Variants in PRR5L observed in about 807,000 individuals in gnomAD.
PRR5L encodes the protein proline-rich protein 5-like.
PRR5L carries 21 observed loss-of-function variants against 36.4 expected under a neutral mutation model. The ratio of observed to expected loss-of-function variants is 0.58; its 90% CI spans 0.41 to 0.83. The LOEUF (loss-of-function observed/expected upper bound fraction) is 0.83. Among genes scored for constraint, PRR5L ranks in the 40% least tolerant of loss-of-function variants. The pLI is 0.00. For synonymous variants in PRR5L, 188 were observed against 197.0 expected, an observed-to-expected ratio of 0.95 and a Z score of 0.38; for missense variants, 381 against 473.3, an observed-to-expected ratio of 0.80 and a Z score of 1.81.
rs138801308 is a variant in PRR5L, at chr11:36,356,057, A to G, written c.-125-44940A>G. On this transcript the variant is annotated intron_variant, in intron 1 of 8. Coordinates refer to ENST00000530639, the MANE Select transcript of PRR5L (RefSeq NM_001160167.2). ...CCTTCAAGTAGCTGGGACTACAGGC[A>G]CATGCCACCATGCTCAGCTAATTTT... Among the ~76,000 whole-genome samples the G allele has an allele frequency of 3.7e-3, 560 of 151,838 alleles. 3 individuals carry two copies. Among genetic ancestry groups the G allele is most frequent in the African/African-American group, 0.013 (531 of 41,392 alleles).
At chr11:36,303,799 A>C (rs1454826924) in intron 1 of PRR5L, among the ~76,000 whole-genome samples, 2 of 152,226 alleles carry the variant, frequency 1.3e-5, no homozygotes, top group Non-Finnish European at 2.9e-5. Context: ...TAGAACGAAC[A>C]ATACATGGTC....
chr11:36,296,976 G>A (rs1856318040), intron 1 of PRR5L, among the ~76,000 whole-genome samples: 1 of 152,156 alleles, frequency 6.6e-6, no homozygotes, highest in Non-Finnish European at 1.5e-5. Flanking sequence ...CACTTTGAGA[G>A]GCAATGATAT....
chr11:36,435,383 A>G (rs1858583010), intron 5 of PRR5L, among the ~76,000 whole-genome samples: 1 of 152,186 alleles, frequency 6.6e-6, no homozygotes, highest in African/African-American at 2.4e-5. Flanking sequence ...TCAAATCATC[A>G]CCAAGTATAA....
At chr11:36,310,270 C>G (rs903939381) in intron 1 of PRR5L, among the ~76,000 whole-genome samples, 1 of 152,130 alleles carries the variant, frequency 6.6e-6, no homozygotes, top group Non-Finnish European at 1.5e-5. Flanking sequence ...CAAGAACTCC[C>G]GTGTGTCCAG....
intron 1 of PRR5L, among the ~76,000 whole-genome samples, chr11:36,308,945 C>T (rs1232719367): frequency 6.6e-6 from 1 of 152,198 alleles, no homozygotes; most frequent in Non-Finnish European, 1.5e-5. Flanking sequence ...CCCTAGTCAA[C>T]CTGCAGATCT....
At position 36,374,104 on chromosome 11, in the gene PRR5L, T is replaced by TCCTTCCTTCCTTCCTG. The variant is rs1491493668; in HGVS notation, c.-125-26890_-125-26889insTCCTTCCTTCCTGCCT. On this transcript the variant is annotated intron_variant, in intron 1 of 8. Coordinates refer to ENST00000530639, the MANE Select transcript of PRR5L (RefSeq NM_001160167.2). ...TTCCTTCCTTCCTTCCTTCCTTCCT[T>TCCTTCCTTCCTTCCTG]CCTCTCTCTCTCTCTCTCTTTCTTT... Among the ~76,000 whole-genome samples the TCCTTCCTTCCTTCCTG allele has an allele frequency of 5.9e-5, 6 of 101,316 alleles. 1 individual carries two copies. The highest frequency in any genetic ancestry group is 2.6e-4 in the Admixed American group (3 of 11,558). The allele number at this position is 101,316 out of a possible 152,430, so 66.5% of individuals were successfully genotyped here.
At chr11:36,450,050 T>A (rs1308530231) in intron 7 of PRR5L, among the ~76,000 whole-genome samples, 1 of 152,128 alleles carries the variant, frequency 6.6e-6, no homozygotes, top group Non-Finnish European at 1.5e-5. Flanking sequence ...TTCCTGAAGC[T>A]GTGTCCTCTC....
chr11:36,353,012 C>G (rs1362096526), intron 1 of PRR5L, among the ~76,000 whole-genome samples: 1 of 152,210 alleles, frequency 6.6e-6, no homozygotes, highest in Non-Finnish European at 1.5e-5. Flanking sequence ...TTCTTACAGA[C>G]AGAGTCTTGC....
intron 1 of PRR5L, among the ~76,000 whole-genome samples, chr11:36,373,216 A>G (rs1202349456): frequency 6.6e-6 from 1 of 152,168 alleles, no homozygotes; most frequent in Admixed American, 6.5e-5. Flanking sequence ...AGCTGTGTAT[A>G]TATCTAATAA....
chr11:36,455,321 A>G (rs919347411), intron 8 of PRR5L: 64 of 152,948 alleles, frequency 4.2e-4, no homozygotes, highest in African/African-American at 1.5e-3. Flanking sequence ...CAAGTCCCCA[A>G]CAAAGGACCC....
intron 6 of PRR5L, among the ~76,000 whole-genome samples, chr11:36,442,159 A>G (rs1015469735): frequency 1.3e-5 from 2 of 152,128 alleles, no homozygotes; most frequent in African/African-American, 4.8e-5. Flanking sequence ...CAGCTCTCTT[A>G]TATTTCTCTC....
intron 1 of PRR5L, among the ~76,000 whole-genome samples, chr11:36,316,154 CAT>C (rs1241872667): frequency 3.3e-5 from 5 of 152,318 alleles, no homozygotes; most frequent in African/African-American, 1.2e-4. Flanking sequence ...CACCGAGGGC[CAT>C]ATGGTCTGTG....
intron 3 of PRR5L, 91 bp downstream of exon 3, chr11:36,403,469 T>TTG (rs1857843747): frequency 5.3e-6 from 5 of 943,610 alleles, no homozygotes; most frequent in Non-Finnish European, 6.4e-6. Context: ...AAGGGTTTTT[T>TTG]TTTTTTTTTT....
intron 5 of PRR5L, among the ~76,000 whole-genome samples, chr11:36,434,240 G>C (rs529488939): frequency 6.6e-6 from 1 of 152,176 alleles, no homozygotes; most frequent in Non-Finnish European, 1.5e-5. Context: ...GTTGGGGCCT[G>C]TTCTGTACAG....
At chr11:36,402,779 G>A (rs943626256) in intron 2 of PRR5L, among the ~76,000 whole-genome samples, 15 of 152,180 alleles carry the variant, frequency 9.9e-5, no homozygotes, top group Admixed American at 2.0e-4. Context: ...CTCTACTGCC[G>A]GTACACCTCA....
chr11:36,331,161 CAT>C (rs1856715060), intron 1 of PRR5L, among the ~76,000 whole-genome samples: 1 of 152,178 alleles, frequency 6.6e-6, no homozygotes, highest in Admixed American at 6.5e-5. Flanking sequence ...ATATTAATAA[CAT>C]ATACCCATAC....
chr11:36,398,802 G>T lies in PRR5L; in HGVS notation c.-125-2195G>T, dbSNP rs1857725982. On this transcript the variant is annotated intron_variant, in intron 1 of 8. Transcript: ENST00000530639. ...CCTCAGTGTCTTACAGTTTCCTGGA[G>T]AAGTGGATGTTTCGGCAGGAAGATG... 2.6e-5 allele frequency: 4 copies of T among 152,382 alleles called. No individual in the cohort carries two copies. In the South Asian group the frequency reaches 8.3e-4, roughly 32 times the overall value. The allele number at this position is 152,382 out of a possible 1,614,324, so 9.4% of individuals were successfully genotyped here.
intron 4 of PRR5L, among the ~76,000 whole-genome samples, chr11:36,424,458 T>TG (rs1324257599): frequency 6.6e-6 from 1 of 152,112 alleles, no homozygotes; most frequent in East Asian, 1.9e-4. Flanking sequence ...AGGGCATTGA[T>TG]GGGGGAGGCA....
chr11:36,431,564 A>G (rs1858495119), intron 4 of PRR5L, among the ~76,000 whole-genome samples: 1 of 152,162 alleles, frequency 6.6e-6, no homozygotes, highest in Non-Finnish European at 1.5e-5. Context: ...GGTGTCAACA[A>G]TAGCGAATTC....
Sources: allele counts gnomAD v4.1 joint callset (sites outside exome capture counted in the v4.1 genomes callset), GRCh38; gene constraint gnomAD v4.1.1; transcripts MANE v1.5; gene names NCBI Gene and HGNC (gene_info 2026-07-23, HGNC 2026-07-21).